CELF2: variants seen among roughly 807,000 people sequenced by gnomAD.
CELF2 encodes CUG triplet repeat RNA-binding protein 2.
CELF2 carries 8 observed loss-of-function variants against 62.6 expected under a neutral mutation model. That is an observed-to-expected ratio of 0.13 (90% CI 0.07 to 0.23). CELF2 has a LOEUF of 0.23. CELF2 is among the 10% of genes least tolerant of loss of function. The pLI, the probability that CELF2 is intolerant of heterozygous loss-of-function variation, is 1.00. For synonymous variants in CELF2, 258 were observed against 250.0 expected (o/e 1.03, Z -0.30); for missense variants, 333 against 671.0 (o/e 0.50, Z 5.56).
intron 1 of CELF2, among the ~76,000 whole-genome samples, chr10:11,081,299 G>A (rs767368649): frequency 6.6e-6 from 1 of 152,176 alleles, no homozygotes; most frequent in African/African-American, 2.4e-5. Context: ...AGCAGCCTAG[G>A]GGGAGGAAGA....
At chr10:11,236,736 C>T (rs909221867) in intron 3 of CELF2, among the ~76,000 whole-genome samples, 2 of 152,182 alleles carry the variant, frequency 1.3e-5, no homozygotes, top group Non-Finnish European at 2.9e-5. Flanking sequence ...AATTACCCAA[C>T]CTAACTTGAA....
At chr10:10,514,575 G>A in the CELF2 span, among the ~76,000 whole-genome samples, 15 of 152,342 alleles carry the variant, frequency 9.8e-5, no homozygotes, top group East Asian at 5.8e-4. Flanking sequence ...AGCCCTGGCC[G>A]AGAGCAGGAG....
the CELF2 span, among the ~76,000 whole-genome samples, chr10:10,575,299 G>C: frequency 1.3e-5 from 2 of 152,110 alleles, no homozygotes; most frequent in South Asian, 4.1e-4. Flanking sequence ...CTCATGGAAG[G>C]AGCCTGAGCT....
At chr10:10,558,518 C>T in the CELF2 span, among the ~76,000 whole-genome samples, 6 of 151,892 alleles carry the variant, frequency 4.0e-5, no homozygotes, top group East Asian at 5.8e-4. Context: ...TGTCTCTGCC[C>T]GGCTTTGGTA....
chr10:10,730,653 C>T, the CELF2 span, among the ~76,000 whole-genome samples: 82 of 152,146 alleles, frequency 5.4e-4, no homozygotes, highest in Non-Finnish European at 9.3e-4. Flanking sequence ...AACCATGCAT[C>T]CTGTTCAGAA....
the CELF2 span, among the ~76,000 whole-genome samples, chr10:10,785,912 G>C: frequency 2.0e-5 from 3 of 152,150 alleles, no homozygotes; most frequent in African/African-American, 7.2e-5. Context: ...TGCAAAGTAT[G>C]TGAGGTATTA....
At chr10:10,802,365 G>T (rs892966657) in intron 1 of CELF2, among the ~76,000 whole-genome samples, 16 of 152,218 alleles carry the variant, frequency 1.1e-4, no homozygotes, top group Admixed American at 6.5e-5. Flanking sequence ...AGCTACTCAG[G>T]AGGCTGAGGC....
the CELF2 span, among the ~76,000 whole-genome samples, chr10:10,514,142 C>T: frequency 6.6e-6 from 1 of 152,190 alleles, no homozygotes; most frequent in African/African-American, 2.4e-5. Context: ...AGATGTTATT[C>T]CCAGACCCTC....
At chr10:10,685,719 T>A in the CELF2 span, among the ~76,000 whole-genome samples, 1 of 152,208 alleles carries the variant, frequency 6.6e-6, no homozygotes, top group African/African-American at 2.4e-5. Context: ...AGAAGCCAGT[T>A]CCTTCTTTGC....
the CELF2 span, among the ~76,000 whole-genome samples, chr10:10,658,804 A>C: frequency 1.3e-5 from 2 of 151,024 alleles, no homozygotes; most frequent in Admixed American, 1.3e-4. Context: ...TGATCATTAC[A>C]GTCTTGGTGG....
rs796506763 is a variant in CELF2, at chr10:11,178,884, A to C, written c.271+13202A>C. On this transcript the variant is annotated intron_variant, in intron 2 of 12. Transcript: ENST00000633077. The surrounding 1 kb of genome is among the most constrained non-coding windows in gnomAD (Gnocchi z 4.3). ...AGAATGCTGTGCTGACACATACTCC[A>C]TCACATGTTTGCGATGAAAATGCTG... 4.6e-5 allele frequency among the ~76,000 whole-genome samples: 7 copies of C among 152,342 alleles called. No homozygotes were observed. The highest frequency in any genetic ancestry group is 1.7e-4 in the African/African-American group (7 of 41,572).
intron 1 of CELF2, among the ~76,000 whole-genome samples, chr10:11,160,336 C>G (rs117788991): frequency 2.6e-5 from 4 of 152,302 alleles, no homozygotes; most frequent in Non-Finnish European, 5.9e-5. Flanking sequence ...GCCCACTGTT[C>G]ACTGACCTGC....
At chr10:11,024,596 G>A (rs930656284) in intron 1 of CELF2, among the ~76,000 whole-genome samples, 25 of 151,806 alleles carry the variant, frequency 1.6e-4, no homozygotes, top group Admixed American at 1.0e-3. Context: ...GCAAGACTCC[G>A]TCTTCTTCTT....
At chr10:11,142,406 T>C (rs117240700) in intron 1 of CELF2, among the ~76,000 whole-genome samples, 7,277 of 148,652 alleles carry the variant, frequency 0.049, 183 homozygotes, top group African/African-American at 0.064. Flanking sequence ...TGGGCTGGGC[T>C]GGGCGCGGTG....
chr10:11,069,648 G>C (rs1396540559), intron 1 of CELF2, among the ~76,000 whole-genome samples: 1 of 152,180 alleles, frequency 6.6e-6, no homozygotes, highest in South Asian at 2.1e-4. Context: ...GACAAATGCA[G>C]GTGTGTATAC....
intron 1 of CELF2, among the ~76,000 whole-genome samples, chr10:10,896,069 C>G (rs2062532715): frequency 6.6e-6 from 1 of 152,066 alleles, no homozygotes; most frequent in Admixed American, 6.5e-5. Context: ...GTAGAAAGTC[C>G]CCCTTTAGTA....
In CELF2 at chr10:11,280,967, C is replaced by T. The variant is rs979151170; in HGVS notation, c.841+5847C>T. Among the ~76,000 whole-genome samples, 3 of 148,430 alleles carry T rather than the reference C, an allele frequency of 2.0e-5. No homozygotes were observed. The highest frequency in any genetic ancestry group is 2.0e-4 in the East Asian group (1 of 5,002). On this transcript the variant is annotated intron_variant, in intron 8 of 12. Transcript: ENST00000633077. The surrounding 1 kb of genome is among the most constrained non-coding windows in gnomAD (Gnocchi z 7.6). ...CTCGCCTGGCTGCTTCTGATGCTGGCGTGCGTGTGCATGCCTGTGTGCGTG... is the reference window on the plus strand; with the variant it reads ...CTCGCCTGGCTGCTTCTGATGCTGGTGTGCGTGTGCATGCCTGTGTGCGTG...
the CELF2 span, among the ~76,000 whole-genome samples, chr10:10,722,602 A>G: frequency 6.6e-6 from 1 of 152,246 alleles, no homozygotes; most frequent in African/African-American, 2.4e-5. Flanking sequence ...TTTTATAATT[A>G]AAAACTTCTG....
intron 8 of CELF2, among the ~76,000 whole-genome samples, chr10:11,283,944 G>A (rs1390308718): frequency 6.9e-6 from 1 of 145,460 alleles, no homozygotes; most frequent in Non-Finnish European, 1.5e-5. Flanking sequence ...GTGGTGGGTG[G>A]ATGAGGGATG....
Sources: allele counts gnomAD v4.1 joint callset (sites outside exome capture counted in the v4.1 genomes callset), GRCh38; gene constraint gnomAD v4.1.1; non-coding constraint Gnocchi (gnomAD v3.1); transcripts MANE v1.5; gene names NCBI Gene and HGNC (gene_info 2026-07-23, HGNC 2026-07-21).